The following ZFHX4 variants were observed in gnomAD, a reference collection of about 807,000 sequenced individuals.
ZFHX4 encodes zinc finger homeobox 4, also known as zinc finger homeobox protein 4.
A neutral mutation model predicts 267.6 loss-of-function variants in ZFHX4; 56 were observed. The ratio of observed to expected loss-of-function variants is 0.21; its 90% CI spans 0.17 to 0.26. The LOEUF (loss-of-function observed/expected upper bound fraction) is 0.26. Among genes scored for constraint, ZFHX4 ranks in the 10% least tolerant of loss-of-function variants. The pLI is 1.00. For missense variants in ZFHX4, 4,332 were observed against 4,420.0 expected (o/e 0.98, Z 0.56); for synonymous variants, 1,778 against 1,665.6 (o/e 1.07, Z -1.64).
At chr8:76,744,754 A>G (rs566170391) in intron 3 of ZFHX4, among the ~76,000 whole-genome samples, 1 of 152,122 alleles carries the variant, frequency 6.6e-6, no homozygotes, top group Non-Finnish European at 1.5e-5. Flanking sequence ...CATTAAAAAA[A>G]TTTTTTTAGA....
At position 76,850,398 on chromosome 8, in the gene ZFHX4, C is replaced by A. The variant is rs777613104; in HGVS notation, c.3964+36C>A. 9 of 1,502,646 alleles carry A rather than the reference C, an allele frequency of 6.0e-6. No individual in the cohort carries two copies. In the East Asian group the frequency reaches 2.1e-4, roughly 35 times the overall value. The allele number at this position is 1,502,646 out of a possible 1,614,324, so 93.1% of individuals were successfully genotyped here. On this transcript the variant is annotated intron_variant, in intron 9 of 10. Transcript: ENST00000651372. ...TTATCATCAAGACTTGTGAACAATA[C>A]GCTTAGGGGCTTTGCATTTGTGGTG...
At chr8:76,719,051 A>T (rs955028874) in intron 3 of ZFHX4, among the ~76,000 whole-genome samples, 28 of 151,514 alleles carry the variant, frequency 1.8e-4, no homozygotes, top group African/African-American at 2.7e-4. Flanking sequence ...GTTAGATGAT[A>T]AAAAAAAGGC....
chr8:76,858,170 T>C (rs1812779556), intron 10 of ZFHX4, among the ~76,000 whole-genome samples: 2 of 152,204 alleles, frequency 1.3e-5, no homozygotes, highest in Admixed American at 6.5e-5. Flanking sequence ...CATTCTGATA[T>C]GGGCGCCCAG....
At chr8:76,833,508 AT>A in intron 5 of ZFHX4, 102 bp downstream of exon 5, 1 of 862,374 alleles carries the variant, frequency 1.2e-6, no homozygotes, top group Non-Finnish European at 1.8e-6. Context: ...AACTTCTCTA[AT>A]TAGATCTGAT....
intron 4 of ZFHX4, among the ~76,000 whole-genome samples, chr8:76,788,351 G>A (rs1810747623): frequency 6.6e-6 from 1 of 152,142 alleles, no homozygotes; most frequent in Non-Finnish European, 1.5e-5. Context: ...GGCCTGTACT[G>A]CTATACATCC....
intron 4 of ZFHX4, among the ~76,000 whole-genome samples, chr8:76,823,243 G>C (rs1282064779): frequency 6.6e-6 from 1 of 150,836 alleles, no homozygotes; most frequent in Non-Finnish European, 1.5e-5. Context: ...CCCCCATGCT[G>C]CCAAAATCCA....
Position 76,854,563 on chromosome 8 carries a change from A to C in ZFHX4, c.7642A>C (p.Thr2548Pro), listed in dbSNP as rs769562757. ...ATTTGACCCCAACAATCCGCTGATG[A>C]CTGGACAACTGCTGGGCAGTTCCCT... ...MIFDPNNPLM[T>P]GQLLGSSLTQ... The change falls in exon 10 of 11, where the codon ACT becomes CCT. Residue 2548 changes from threonine (T) to proline (P), a missense_variant. This residue lies in a region of ZFHX4 where 1,648 missense variants were observed against 1,625.0 expected (regional missense o/e 1.01). Coordinates refer to ENST00000651372, the MANE Select transcript of ZFHX4 (RefSeq NM_024721.5). The C allele has an allele frequency of 1.5e-5, 24 of 1,613,858 alleles. No individual in the cohort carries two copies. The South Asian group carries it at 2.4e-4, about 16-fold the overall frequency.
intron 4 of ZFHX4, among the ~76,000 whole-genome samples, chr8:76,825,091 G>A (rs941394717): frequency 5.3e-5 from 8 of 152,132 alleles, no homozygotes; most frequent in Non-Finnish European, 1.2e-4. Flanking sequence ...TTAACTGATG[G>A]ACAAAGAGTA....
chr8:76,796,128 G>C (rs918250887), intron 4 of ZFHX4, among the ~76,000 whole-genome samples: 2 of 152,100 alleles, frequency 1.3e-5, no homozygotes, highest in Non-Finnish European at 2.9e-5. Flanking sequence ...TTAAGGTTAA[G>C]GTAGGGTAGG....
At chr8:76,832,749 A>C (rs910480002) in intron 4 of ZFHX4, among the ~76,000 whole-genome samples, 2 of 152,138 alleles carry the variant, frequency 1.3e-5, no homozygotes, top group African/African-American at 4.8e-5. Flanking sequence ...GTTAGTTGAC[A>C]ATAATGACTT....
At chr8:76,786,328 A>G (rs1810688146) in intron 4 of ZFHX4, among the ~76,000 whole-genome samples, 1 of 151,002 alleles carries the variant, frequency 6.6e-6, no homozygotes, top group South Asian at 2.1e-4. Flanking sequence ...ATCAGTTCTC[A>G]TCTGGGAAAA....
intron 3 of ZFHX4, among the ~76,000 whole-genome samples, chr8:76,744,210 G>C (rs993175640): frequency 6.6e-6 from 1 of 152,006 alleles, no homozygotes; most frequent in African/African-American, 2.4e-5. Context: ...GTCGGGTGTG[G>C]TGGTGCGTGC....
Position 76,863,127 on chromosome 8 carries a change from T to G in ZFHX4, c.9413T>G (p.Phe3138Cys). 1 of 1,534,854 alleles carries G rather than the reference T, an allele frequency of 6.5e-7. No homozygotes were observed. Among genetic ancestry groups the G allele is most frequent in the Non-Finnish European group, 8.8e-7 (1 of 1,139,894 alleles). ...CCTCCCGGTGCAGGCATGCTTGGGTTTCCTACTTCAGCTACTTCGTCTCCT... is the reference window on the plus strand; with the variant it reads ...CCTCCCGGTGCAGGCATGCTTGGGTGTCCTACTTCAGCTACTTCGTCTCCT... ...LTPPGAGMLG[F>C]PTSATSSPAL... is the part of the protein sequence containing the mutation. Residue 3138 changes from phenylalanine (F) to cysteine (C), a missense_variant, in exon 11 of 11, where the codon TTT becomes TGT. Around this residue, in one of 7 missense-constraint regions of ZFHX4, gnomAD observed 1,648 missense variants for 1,625.0 expected, o/e 1.01. Coordinates refer to ENST00000651372, the MANE Select transcript of ZFHX4 (RefSeq NM_024721.5).
chr8:76,740,937 T>C (rs936715758), intron 3 of ZFHX4, among the ~76,000 whole-genome samples: 7 of 152,142 alleles, frequency 4.6e-5, no homozygotes, highest in African/African-American at 1.7e-4. Context: ...TCTGATATAG[T>C]TTTGAAAAAT....
intron 4 of ZFHX4, among the ~76,000 whole-genome samples, chr8:76,788,687 A>G (rs954050363): frequency 1.4e-4 from 22 of 152,206 alleles, no homozygotes; most frequent in African/African-American, 4.6e-4. Context: ...TCCCAAATCA[A>G]TGCTGTTCAC....
At chr8:76,856,414 C>A in intron 10 of ZFHX4, 114 bp downstream of exon 10, 1 of 1,192,260 alleles carries the variant, frequency 8.4e-7, no homozygotes, top group Non-Finnish European at 1.2e-6. Flanking sequence ...CTAGTGAAAT[C>A]AATACATTAT....
intron 3 of ZFHX4, among the ~76,000 whole-genome samples, chr8:76,769,526 T>A (rs1021533527): frequency 1.4e-4 from 21 of 152,110 alleles, no homozygotes; most frequent in African/African-American, 4.3e-4. Flanking sequence ...AATTTTTGTA[T>A]TTTTTGTAGA....
intron 4 of ZFHX4, among the ~76,000 whole-genome samples, chr8:76,815,743 C>A (rs114950182): frequency 6.6e-6 from 1 of 152,126 alleles, no homozygotes; most frequent in Admixed American, 6.5e-5. Flanking sequence ...TCCAGAAATT[C>A]TCCCGCCTTG....
rs766397027 is a variant in ZFHX4 at position 76,705,643 on chromosome 8, G to A, written c.1555G>A (p.Glu519Lys). The A allele has an allele frequency of 3.1e-6, 5 of 1,613,892 alleles. No individual in the cohort carries two copies. The South Asian group carries it at 5.5e-5, about 18-fold the overall frequency. Residue 519 changes from glutamate (E) to lysine (K), a missense_variant, in exon 2 of 11, where the codon GAA (glutamate) becomes AAA (lysine). Glu to Lys is a moderately conservative substitution (Grantham distance 56). This residue lies in a region of ZFHX4 where 1,195 missense variants were observed against 1,173.6 expected (regional missense o/e 1.02). Transcript: ENST00000651372. Reference sequence around the variant, plus strand: ...ATCATCCAGTGTGCTAAAATTTATTGAAAAGGGTACCTCGTCCTCCTCGGC... The same window carrying A: ...ATCATCCAGTGTGCTAAAATTTATTAAAAAGGGTACCTCGTCCTCCTCGGC... ...PLSSSVLKFIEKGTSSSSATV... is the reference protein window; with the variant it reads ...PLSSSVLKFIKKGTSSSSATV...
Sources: gnomAD v4.1 joint callset for allele counts (sites outside exome capture counted in the v4.1 genomes callset) on GRCh38, gnomAD v4.1.1 for gene constraint, gnomAD v4.1.1 regional missense constraint, MANE v1.5 for transcripts, NCBI Gene and HGNC (gene_info 2026-07-23, HGNC 2026-07-21) for gene names.